Variants in SCFD2 observed in about 807,000 individuals in gnomAD.
SCFD2 encodes the protein sec1 family domain containing 2.
SCFD2 carries 54 observed loss-of-function variants against 58.9 expected under a neutral mutation model. That is an observed-to-expected ratio of 0.92 (90% CI 0.74 to 1.15). The LOEUF (loss-of-function observed/expected upper bound fraction) is 1.15. SCFD2 is among the 50% of genes most tolerant of loss of function. The pLI, the probability that SCFD2 is intolerant of heterozygous loss-of-function variation, is 0.00. For missense variants in SCFD2, 805 were observed against 836.6 expected (o/e 0.96, Z 0.47); for synonymous variants, 321 against 335.9 (o/e 0.96, Z 0.49).
intron 4 of SCFD2, among the ~76,000 whole-genome samples, chr4:53,242,069 C>T (rs1205238274): frequency 6.6e-6 from 1 of 152,234 alleles, no homozygotes; most frequent in Non-Finnish European, 1.5e-5. Context: ...GCTGTGAATG[C>T]CGAAACAGAG....
At chr4:53,235,072 A>G (rs544397928) in intron 4 of SCFD2, among the ~76,000 whole-genome samples, 1 of 152,374 alleles carries the variant, frequency 6.6e-6, no homozygotes, top group East Asian at 1.9e-4. Context: ...CATTTCAGCA[A>G]GCAGGAAGAA....
intron 4 of SCFD2, among the ~76,000 whole-genome samples, chr4:53,220,825 C>G (rs1359465908): frequency 6.6e-6 from 1 of 152,190 alleles, no homozygotes. Flanking sequence ...AATAAATATA[C>G]TTTACTGAAA....
At chr4:53,343,330 C>T (rs1001426111) in intron 2 of SCFD2, among the ~76,000 whole-genome samples, 1 of 152,128 alleles carries the variant, frequency 6.6e-6, no homozygotes, top group Non-Finnish European at 1.5e-5. Context: ...AACACCTCTA[C>T]ACAAATAAAC....
chr4:53,140,937 TCA>T (rs1322850004), intron 5 of SCFD2, among the ~76,000 whole-genome samples: 2 of 152,164 alleles, frequency 1.3e-5, no homozygotes, highest in Non-Finnish European at 2.9e-5. Flanking sequence ...CTTGATCCTA[TCA>T]ACAGTTAAGA....
intron 5 of SCFD2, among the ~76,000 whole-genome samples, chr4:53,143,684 T>C (rs1308897339): frequency 2.0e-5 from 3 of 152,056 alleles, no homozygotes; most frequent in Non-Finnish European, 2.9e-5. Context: ...CCGGGAAGTC[T>C]GGACACTTCT....
chr4:53,171,011 C>T (rs562941044), intron 4 of SCFD2, among the ~76,000 whole-genome samples: 2 of 152,304 alleles, frequency 1.3e-5, no homozygotes, highest in African/African-American at 4.8e-5. Context: ...TTGATGCCTT[C>T]TGTTTCTTTC....
chr4:52,879,757 C>T (rs1160891161), intron 8 of SCFD2, among the ~76,000 whole-genome samples: 1 of 152,238 alleles, frequency 6.6e-6, no homozygotes, highest in Non-Finnish European at 1.5e-5. Context: ...TAGGTGCCAG[C>T]ATCTTCCTGT....
intron 3 of SCFD2, among the ~76,000 whole-genome samples, chr4:53,284,491 AT>A (rs1293069050): frequency 6.6e-6 from 1 of 152,168 alleles, no homozygotes; most frequent in African/African-American, 2.4e-5. Context: ...TTGTGCTAGT[AT>A]AACTTTTGAA....
intron 5 of SCFD2, among the ~76,000 whole-genome samples, chr4:52,986,667 A>AT (rs1721503707): frequency 6.6e-6 from 1 of 151,128 alleles, no homozygotes; most frequent in Non-Finnish European, 1.5e-5. Flanking sequence ...CTCGGCTAAA[A>AT]TTTTTGTATT....
At chr4:53,250,041 G>A (rs962423418) in intron 4 of SCFD2, among the ~76,000 whole-genome samples, 2 of 152,124 alleles carry the variant, frequency 1.3e-5, no homozygotes, top group Admixed American at 6.5e-5. Context: ...TCAGTGTGCT[G>A]TATTCAGGAA....
chr4:53,297,218 G>C (rs1211351858), intron 3 of SCFD2, among the ~76,000 whole-genome samples: 1 of 152,142 alleles, frequency 6.6e-6, no homozygotes, highest in Non-Finnish European at 1.5e-5. Context: ...TCATTGATCT[G>C]TCTAATATTG....
intron 4 of SCFD2, among the ~76,000 whole-genome samples, chr4:53,193,645 A>T (rs1474464288): frequency 6.6e-6 from 1 of 152,220 alleles, no homozygotes; most frequent in Non-Finnish European, 1.5e-5. Flanking sequence ...CAAAGCCAAG[A>T]GCAGTTACTT....
chr4:53,350,913 T>C (rs1483559198), intron 2 of SCFD2, among the ~76,000 whole-genome samples: 2 of 152,204 alleles, frequency 1.3e-5, no homozygotes, highest in African/African-American at 4.8e-5. Flanking sequence ...TTTCACCACG[T>C]TGGCCATGTT....
chr4:53,152,372 A>G (rs1290952609), intron 4 of SCFD2, among the ~76,000 whole-genome samples: 3 of 152,182 alleles, frequency 2.0e-5, no homozygotes, highest in Non-Finnish European at 4.4e-5. Context: ...AAAAAAAATT[A>G]AAAAAAGAAC....
chr4:53,129,714 C>G (rs1290967888), intron 5 of SCFD2, among the ~76,000 whole-genome samples: 3 of 152,174 alleles, frequency 2.0e-5, no homozygotes, highest in Non-Finnish European at 4.4e-5. Context: ...AATAATGTCT[C>G]CTAGAATGTG....
chr4:53,138,060 GA>G (rs1553879868), intron 5 of SCFD2, among the ~76,000 whole-genome samples: 1 of 152,152 alleles, frequency 6.6e-6, no homozygotes, highest in Non-Finnish European at 1.5e-5. Context: ...CACATGATGA[GA>G]AAAGGGTGGG....
intron 4 of SCFD2, among the ~76,000 whole-genome samples, chr4:53,269,058 G>A (rs1447246899): frequency 6.6e-6 from 1 of 152,192 alleles, no homozygotes; most frequent in African/African-American, 2.4e-5. Flanking sequence ...AGTGGCTCAT[G>A]CCTGTAATCC....
chr4:53,271,302 A>AAC (rs765127056), intron 4 of SCFD2, among the ~76,000 whole-genome samples: 51 of 150,044 alleles, frequency 3.4e-4, no homozygotes, highest in Admixed American at 4.7e-4. Context: ...ACACACATAC[A>AAC]ACACACACAC....
At chr4:52,970,062 C>A (rs1037458407) in intron 5 of SCFD2, among the ~76,000 whole-genome samples, 2 of 152,138 alleles carry the variant, frequency 1.3e-5, no homozygotes, top group Non-Finnish European at 2.9e-5. Flanking sequence ...TGAATAGGAA[C>A]AACTCCAGTC....
Sources: gnomAD v4.1 joint callset for allele counts (sites outside exome capture counted in the v4.1 genomes callset) on GRCh38, gnomAD v4.1.1 for gene constraint, MANE v1.5 for transcripts, NCBI Gene and HGNC (gene_info 2026-07-23, HGNC 2026-07-21) for gene names.